The following AGBL4 variants were observed in gnomAD, a reference collection of about 807,000 sequenced individuals.
AGBL4 encodes the protein cytosolic carboxypeptidase 6.
Under a neutral mutation model 66.4 loss-of-function variants are expected in AGBL4, and 58 were observed. The ratio of observed to expected loss-of-function variants is 0.87; its 90% CI spans 0.71 to 1.09. The LOEUF is 1.09. Among genes scored for constraint, AGBL4 ranks in the 50% least tolerant of loss-of-function variants. AGBL4 has a pLI of 0.00. For synonymous variants in AGBL4, 234 were observed against 222.9 expected, an observed-to-expected ratio of 1.05 and a Z score of -0.44; for missense variants, 579 against 631.0, an observed-to-expected ratio of 0.92 and a Z score of 0.88.
intron 8 of AGBL4, among the ~76,000 whole-genome samples, chr1:48,652,622 T>C (rs1321676999): frequency 6.6e-6 from 1 of 152,194 alleles, no homozygotes; most frequent in African/African-American, 2.4e-5. Context: ...GCGAAGTTAG[T>C]CAATGATTTA....
chr1:48,599,867 G>A (rs1645049175), intron 9 of AGBL4, among the ~76,000 whole-genome samples: 1 of 152,114 alleles, frequency 6.6e-6, no homozygotes. Flanking sequence ...CTGGACTGAA[G>A]GTATAAATAT....
chr1:49,935,076 G>T (rs1319260445), intron 1 of AGBL4, among the ~76,000 whole-genome samples: 1 of 152,224 alleles, frequency 6.6e-6, no homozygotes, highest in African/African-American at 2.4e-5. Context: ...TTCCCTTTCT[G>T]AGTCAAAGAA....
intron 4 of AGBL4, among the ~76,000 whole-genome samples, chr1:49,212,954 T>C (rs1409979169): frequency 6.6e-6 from 1 of 152,164 alleles, no homozygotes; most frequent in Non-Finnish European, 1.5e-5. Flanking sequence ...TATTTTTATT[T>C]ATTATTGAAT....
At chr1:49,066,350 G>C (rs1264620686) in intron 4 of AGBL4, among the ~76,000 whole-genome samples, 1 of 152,156 alleles carries the variant, frequency 6.6e-6, no homozygotes, top group Non-Finnish European at 1.5e-5. Flanking sequence ...TCAGGAGATC[G>C]AGACCATCCT....
chr1:49,049,192 G>C (rs569535196), intron 4 of AGBL4, among the ~76,000 whole-genome samples: 16 of 151,940 alleles, frequency 1.1e-4, no homozygotes, highest in Admixed American at 1.0e-3. Flanking sequence ...TTTTGTGCTC[G>C]ATCTTTCCTC....
intron 3 of AGBL4, among the ~76,000 whole-genome samples, chr1:49,372,506 G>A (rs1028883439): frequency 8.6e-5 from 13 of 151,932 alleles, no homozygotes; most frequent in Admixed American, 3.3e-4. Context: ...CCCATGACCC[G>A]AACTTACCTT....
chr1:49,505,332 T>A (rs1002596766), intron 3 of AGBL4, among the ~76,000 whole-genome samples: 18 of 152,132 alleles, frequency 1.2e-4, no homozygotes, highest in Admixed American at 1.2e-3. Flanking sequence ...GAGTTTTATA[T>A]TCTCATATGT....
At chr1:49,562,536 GT>G (rs1430110224) in intron 3 of AGBL4, among the ~76,000 whole-genome samples, 1 of 152,144 alleles carries the variant, frequency 6.6e-6, no homozygotes, top group Non-Finnish European at 1.5e-5. Context: ...TGGCTAGCCA[GT>G]TTTCCCAGCA....
chr1:48,698,103 C>A lies in AGBL4; in HGVS notation c.635-34862G>T, dbSNP rs569110323. The stretch of plus-strand genomic sequence containing the variant: ...GTGTTCTCCCTCCACTGTACCCAGG[C>A]CATGGTGACCCTCCACTCTGGGAAA... On this transcript the variant is annotated intron_variant, in intron 6 of 13. Transcript: ENST00000371839. 7.2e-5 allele frequency among the ~76,000 whole-genome samples: 11 copies of A among 152,284 alleles called. No individual in the cohort carries two copies. The South Asian group carries it at 2.3e-3, about 32-fold the overall frequency.
In AGBL4 at chr1:49,309,037, C is replaced by A. The variant is rs1234427085; in HGVS notation, c.283-63173G>T. Among the ~76,000 whole-genome samples the A allele has an allele frequency of 5.3e-5, 8 of 151,984 alleles. No homozygotes were observed. In the East Asian group the frequency reaches 1.4e-3, roughly 26 times the overall value. On this transcript the variant is annotated intron_variant, in intron 3 of 13. Transcript: ENST00000371839. ...ATTGACAGTTTGATATTGACCAACT[C>A]AATCTAATCACCAATATAAACTCAC...
chr1:48,687,362 G>A (rs1646550385), intron 6 of AGBL4, among the ~76,000 whole-genome samples: 1 of 152,168 alleles, frequency 6.6e-6, no homozygotes, highest in Non-Finnish European at 1.5e-5. Flanking sequence ...ATGGAGAGGA[G>A]AGGCGGTGGA....
chr1:49,645,630 T>C (rs779824289), intron 3 of AGBL4, among the ~76,000 whole-genome samples: 9 of 151,342 alleles, frequency 5.9e-5, no homozygotes, highest in Non-Finnish European at 1.0e-4. Context: ...AAAAAGTTAG[T>C]ATCAAATTTA....
At chr1:49,023,223 C>T (rs1417183835) in intron 5 of AGBL4, among the ~76,000 whole-genome samples, 2 of 152,096 alleles carry the variant, frequency 1.3e-5, no homozygotes, top group Non-Finnish European at 1.5e-5. Flanking sequence ...ACCTTGAGGC[C>T]TGGAGGCCCC....
At chr1:49,690,993 G>T (rs1244793617) in intron 3 of AGBL4, among the ~76,000 whole-genome samples, 1 of 152,076 alleles carries the variant, frequency 6.6e-6, no homozygotes, top group African/African-American at 2.4e-5. Context: ...CGAAAAGTCT[G>T]TATTCTTAAC....
intron 6 of AGBL4, among the ~76,000 whole-genome samples, chr1:48,695,642 A>T (rs1199902131): frequency 6.6e-6 from 1 of 152,062 alleles, no homozygotes; most frequent in Admixed American, 6.6e-5. Flanking sequence ...CACAGATGTC[A>T]GAAAGGTGGC....
intron 6 of AGBL4, among the ~76,000 whole-genome samples, chr1:48,841,146 A>C (rs1646788874): frequency 6.6e-6 from 1 of 152,122 alleles, no homozygotes; most frequent in African/African-American, 2.4e-5. Flanking sequence ...AGCACAAGGG[A>C]GTCTTCTAGG....
chr1:50,010,234 G>A (rs748279804), intron 1 of AGBL4, among the ~76,000 whole-genome samples: 33 of 151,922 alleles, frequency 2.2e-4, no homozygotes, highest in Admixed American at 4.6e-4. Context: ...TTGAACCTGG[G>A]AGGCAGAGGT....
intron 4 of AGBL4, among the ~76,000 whole-genome samples, chr1:49,175,710 C>A (rs1646818061): frequency 6.6e-6 from 1 of 152,142 alleles, no homozygotes; most frequent in Non-Finnish European, 1.5e-5. Context: ...TAAAAGATAT[C>A]CATCAACTGA....
At chr1:49,244,353 T>C (rs946296958) in intron 4 of AGBL4, among the ~76,000 whole-genome samples, 3 of 151,860 alleles carry the variant, frequency 2.0e-5, no homozygotes. Context: ...AACCAGAGAC[T>C]CAAAGCAAAG....
Sources: allele counts gnomAD v4.1 joint callset (sites outside exome capture counted in the v4.1 genomes callset), GRCh38; gene constraint gnomAD v4.1.1; transcripts MANE v1.5; gene names NCBI Gene and HGNC (gene_info 2026-07-23, HGNC 2026-07-21).